Variants in NCK2 observed in about 807,000 individuals in gnomAD.
The protein encoded by NCK2 is cytoplasmic protein NCK2.
In NCK2, 16 loss-of-function variants were observed where a neutral mutation model predicts 33.9. The observed-to-expected ratio is 0.47, with a 90% CI of 0.32 to 0.72. The LOEUF is 0.72. NCK2 is among the 30% of genes least tolerant of loss of function. NCK2 has a pLI of 0.03. For synonymous variants in NCK2, 273 were observed against 239.9 expected (o/e 1.14, Z -1.27); for missense variants, 418 against 537.3 (o/e 0.78, Z 2.19).
intron 3 of NCK2, among the ~76,000 whole-genome samples, chr2:105,874,430 T>G (rs1243464748): frequency 6.6e-6 from 1 of 152,240 alleles, no homozygotes; most frequent in East Asian, 1.9e-4. Flanking sequence ...TAATAATAGG[T>G]TCTGACTCTA....
At chr2:105,834,500 A>T (rs1242582658) in intron 2 of NCK2, among the ~76,000 whole-genome samples, 5 of 151,516 alleles carry the variant, frequency 3.3e-5, no homozygotes, top group Non-Finnish European at 7.4e-5. Context: ...ATTTCTGTGG[A>T]AGATTTTTTT....
intron 2 of NCK2, among the ~76,000 whole-genome samples, chr2:105,841,695 C>T (rs896897937): frequency 2.1e-5 from 3 of 146,030 alleles, no homozygotes; most frequent in Non-Finnish European, 4.6e-5. Context: ...CAACCCCATC[C>T]TGAAGCTGCC....
upstream of NCK2, chr2:105,744,865 T>TCGCTGCGCGCCGGGGGAGGGTCGCCGC (rs1689209679): frequency 6.5e-6 from 1 of 153,268 alleles, no homozygotes; most frequent in Non-Finnish European, 1.3e-5. Context: ...CGGGGGAGGG[T>TCGCTGCGCGCCGGGGGAGGGTCGCCGC]CGCCGCCGCC....
At chr2:105,800,417 C>T (rs1441278581) in intron 1 of NCK2, among the ~76,000 whole-genome samples, 2 of 152,230 alleles carry the variant, frequency 1.3e-5, no homozygotes, top group African/African-American at 4.8e-5. Context: ...TTGCCATTAG[C>T]ATTCATCTGT....
chr2:105,891,561 TTTTTTTTG>T (rs1302312518), intron 4 of NCK2, among the ~76,000 whole-genome samples: 2 of 10,216 alleles, frequency 2.0e-4, no homozygotes, highest in Non-Finnish European at 3.3e-4. Context: ...TTTTTTTTTT[TTTTTTTTG>T]AGATTTTTCG....
intron 1 of NCK2, among the ~76,000 whole-genome samples, chr2:105,787,901 C>T (rs1214583382): frequency 3.3e-5 from 5 of 151,812 alleles, no homozygotes; most frequent in Admixed American, 3.3e-4. Flanking sequence ...GCGTATACCG[C>T]CCCCCACCGC....
intron 1 of NCK2, among the ~76,000 whole-genome samples, chr2:105,762,825 C>T (rs1022407538): frequency 6.6e-6 from 1 of 152,196 alleles, no homozygotes; most frequent in Non-Finnish European, 1.5e-5. Context: ...ACGTAGATTA[C>T]TATGTCTCAA....
At chr2:105,818,426 A>ATATTAAGT (rs1675587769) in intron 2 of NCK2, among the ~76,000 whole-genome samples, 2 of 151,864 alleles carry the variant, frequency 1.3e-5, no homozygotes, top group Non-Finnish European at 2.9e-5. Context: ...TTAAAAGTGT[A>ATATTAAGT]ATAAAAATAT....
chr2:105,842,351 G>A (rs902993394), intron 2 of NCK2, among the ~76,000 whole-genome samples: 1 of 152,104 alleles, frequency 6.6e-6, no homozygotes, highest in Non-Finnish European at 1.5e-5. Flanking sequence ...CTCTCAAAGT[G>A]TTGGGATTAC....
At chr2:105,781,790 A>G (rs114649076) in intron 1 of NCK2, among the ~76,000 whole-genome samples, 2,868 of 152,246 alleles carry the variant, frequency 0.019, 54 homozygotes, top group Non-Finnish European at 0.022. Context: ...ATTTGTAGAC[A>G]TGTCTGTTTC....
chr2:105,758,013 TCA>T (rs2104346116), intron 1 of NCK2, among the ~76,000 whole-genome samples: 1 of 152,274 alleles, frequency 6.6e-6, no homozygotes, highest in East Asian at 1.9e-4. Flanking sequence ...TGGATGAAGC[TCA>T]GTTAGTTTGC....
chr2:105,791,731 T>C (rs972045049), intron 1 of NCK2, among the ~76,000 whole-genome samples: 5 of 152,222 alleles, frequency 3.3e-5, no homozygotes, highest in African/African-American at 9.6e-5. Context: ...ACATTCTTCG[T>C]AGAGCTTGTG....
chr2:105,836,389 CAGT>C (rs897849028), intron 2 of NCK2, among the ~76,000 whole-genome samples: 6 of 152,036 alleles, frequency 3.9e-5, no homozygotes, highest in African/African-American at 1.5e-4. Context: ...TAATCACTGT[CAGT>C]GGTGTCTGCA....
intron 3 of NCK2, among the ~76,000 whole-genome samples, chr2:105,869,472 A>T (rs1677903882): frequency 6.6e-6 from 1 of 152,224 alleles, no homozygotes; most frequent in South Asian, 2.1e-4. Context: ...GCCAAAGCCA[A>T]GCACGAGGAG....
chr2:105,835,409 G>GTATATATATGTGTATATA (rs1553458615), intron 2 of NCK2, among the ~76,000 whole-genome samples: 1 of 59,326 alleles, frequency 1.7e-5, no homozygotes, highest in Non-Finnish European at 3.3e-5. Flanking sequence ...ATATATACGT[G>GTATATATATGTGTATATA]TATATATATA....
At chr2:105,798,818 C>T (rs1030095710) in intron 1 of NCK2, among the ~76,000 whole-genome samples, 5 of 152,160 alleles carry the variant, frequency 3.3e-5, no homozygotes, top group African/African-American at 1.2e-4. Flanking sequence ...AATGTTCTTA[C>T]CTTATTTTTC....
chr2:105,806,251 T>G (rs1239959238), intron 1 of NCK2, among the ~76,000 whole-genome samples: 1 of 135,858 alleles, frequency 7.4e-6, no homozygotes, highest in African/African-American at 2.5e-5. Context: ...TTTTTTTTTT[T>G]TTTTGAGACA....
At chr2:105,810,962 T>C (rs1481033700) in intron 1 of NCK2, among the ~76,000 whole-genome samples, 4 of 151,952 alleles carry the variant, frequency 2.6e-5, no homozygotes, top group African/African-American at 9.7e-5. Flanking sequence ...GATCATGAGG[T>C]CAAGAGATTG....
At chr2:105,851,491 T>C (rs535652698) in intron 2 of NCK2, among the ~76,000 whole-genome samples, 3 of 152,202 alleles carry the variant, frequency 2.0e-5, no homozygotes, top group South Asian at 2.1e-4. Flanking sequence ...TCTCCTGACC[T>C]CGTGAAGCGC....
Sources: allele counts gnomAD v4.1 joint callset (sites outside exome capture counted in the v4.1 genomes callset), GRCh38; gene constraint gnomAD v4.1.1; transcripts MANE v1.5; gene names NCBI Gene and HGNC (gene_info 2026-07-23, HGNC 2026-07-21).